Variants in DLAT observed in about 807,000 individuals in gnomAD.
DLAT encodes the protein dihydrolipoamide S-acetyltransferase.
DLAT carries 43 observed loss-of-function variants against 68.0 expected under a neutral mutation model. The observed-to-expected ratio is 0.63, with a 90% CI of 0.50 to 0.81. The LOEUF (loss-of-function observed/expected upper bound fraction) is 0.81. DLAT is among the 40% of genes least tolerant of loss of function. The pLI is 0.00. For synonymous variants in DLAT, 265 were observed against 288.6 expected (o/e 0.92, Z 0.83); for missense variants, 745 against 815.4 (o/e 0.91, Z 1.05).
At chr11:112,030,103 T>G (rs1452308784) in intron 4 of DLAT, 1 of 785,174 alleles carries the variant, frequency 1.3e-6, no homozygotes, top group Non-Finnish European at 2.2e-6. Flanking sequence ...TGGTAAATAC[T>G]GGCGACTCCA....
intron 2 of DLAT, among the ~76,000 whole-genome samples, chr11:112,027,116 G>A (rs1193255960): frequency 6.7e-6 from 1 of 149,970 alleles, no homozygotes; most frequent in Non-Finnish European, 1.5e-5. Flanking sequence ...GGTGGCTGCC[G>A]GGCGGAGGGG....
rs1212810313 is a variant in DLAT, at chr11:112,051,035, C to T, written c.1399-199C>T. Among the ~76,000 whole-genome samples, 2 of 152,008 alleles carry T rather than the reference C, an allele frequency of 1.3e-5. No homozygotes were observed. Among genetic ancestry groups the T allele is most frequent in the Non-Finnish European group, 2.9e-5 (2 of 68,030 alleles). ...AGAGAATTTAGAAACTACAGTTGTC[C>T]GGGGAGGGAAAGCATTAGGAAAAAT... On this transcript the variant is annotated intron_variant, in intron 10 of 13. Transcript: ENST00000280346. This position sits in a 1 kb window ranked among gnomAD's most constrained non-coding sequence, Gnocchi z 4.3.
intron 7 of DLAT, among the ~76,000 whole-genome samples, chr11:112,041,157 A>T (rs1555180992): frequency 6.6e-6 from 1 of 152,200 alleles, no homozygotes; most frequent in Non-Finnish European, 1.5e-5. Flanking sequence ...TATGAACCTC[A>T]GCTCTTTATA....
intron 11 of DLAT, among the ~76,000 whole-genome samples, chr11:112,057,596 G>A (rs113453391): frequency 6.6e-6 from 1 of 152,192 alleles, no homozygotes; most frequent in African/African-American, 2.4e-5. Context: ...TTAAGCCAAA[G>A]CTTAATTCAG....
chr11:112,039,500 G>T (rs1555180853), intron 7 of DLAT, 103 bp downstream of exon 7: 4 of 1,166,664 alleles, frequency 3.4e-6, no homozygotes. Flanking sequence ...CTTATAATTG[G>T]GATAGTAGGG....
At chr11:112,033,051 A>G (rs778651857) in intron 4 of DLAT, among the ~76,000 whole-genome samples, 1 of 152,160 alleles carries the variant, frequency 6.6e-6, no homozygotes, top group Non-Finnish European at 1.5e-5. Context: ...GGGACAGAGC[A>G]AGACTCTGTC....
intron 6 of DLAT, among the ~76,000 whole-genome samples, chr11:112,038,587 G>A (rs1336048650): frequency 6.6e-6 from 1 of 151,192 alleles, no homozygotes; most frequent in Non-Finnish European, 1.5e-5. Flanking sequence ...GCTCATGCCA[G>A]TAATCCCAGC....
In DLAT at chr11:112,025,496, GGCTCAGAAT is replaced by G. The variant is rs1254987889; in HGVS notation, c.26_34del (p.Ala9_Asn11del). On this transcript the variant is annotated inframe_deletion, in exon 1 of 14. Coordinates refer to ENST00000280346, the MANE Select transcript of DLAT (RefSeq NM_001931.5). ...CTATGTGGCGCGTCTGTGCGCGACGGGCTCAGAATGTAGCCCCATGGGCGGGACTCGAGG... is the reference window on the plus strand; with the variant it reads ...CTATGTGGCGCGTCTGTGCGCGACGGGTAGCCCCATGGGCGGGACTCGAGG... 10 of 1,613,618 alleles carry G rather than the reference GGCTCAGAAT, an allele frequency of 6.2e-6. No homozygotes were observed. The African/African-American group carries it at 1.2e-4, about 19-fold the overall frequency.
intron 6 of DLAT, among the ~76,000 whole-genome samples, chr11:112,038,907 G>A (rs1445310982): frequency 6.6e-6 from 1 of 151,920 alleles, no homozygotes; most frequent in Non-Finnish European, 1.5e-5. Flanking sequence ...TGTTGGTGAT[G>A]TAAAAGAATG....
Position 112,030,644 on chromosome 11 carries a change from T to G in DLAT, c.660+1699T>G, listed in dbSNP as rs142315758. Among the ~76,000 whole-genome samples, 21 of 152,372 alleles carry G rather than the reference T, an allele frequency of 1.4e-4. No individual in the cohort carries two copies. The East Asian group carries it at 3.7e-3, about 27-fold the overall frequency. On this transcript the variant is annotated intron_variant, in intron 4 of 13. Transcript: ENST00000280346. ...GGCAGTGAATGTAATCACTGTTGAT[T>G]GTGCTAACTAAATCAGTTTCTAAGA... is the stretch of plus-strand genomic sequence containing the variant.
chr11:112,048,708 A>G (rs919342564), intron 10 of DLAT, among the ~76,000 whole-genome samples: 3 of 151,636 alleles, frequency 2.0e-5, no homozygotes, highest in Middle Eastern at 6.9e-3. Flanking sequence ...TAATTTTTGT[A>G]TTTTTAGTAG....
chr11:112,056,506 G>T (rs1864092864), intron 11 of DLAT, among the ~76,000 whole-genome samples: 2 of 152,106 alleles, frequency 1.3e-5, no homozygotes, highest in South Asian at 4.2e-4. Flanking sequence ...CCATGTTGTA[G>T]CATGTATCTG....
At chr11:112,048,250 C>T (rs1311769648) in intron 10 of DLAT, among the ~76,000 whole-genome samples, 5 of 152,114 alleles carry the variant, frequency 3.3e-5, no homozygotes, top group African/African-American at 1.2e-4. Flanking sequence ...GGAATTCACT[C>T]ACAATTTGGC....
Position 112,056,781 on chromosome 11 carries a change from C to G in DLAT, c.1515-3122C>G, listed in dbSNP as rs375396441. On this transcript the variant is annotated intron_variant, in intron 11 of 13. Coordinates refer to ENST00000280346, the MANE Select transcript of DLAT (RefSeq NM_001931.5). ...TTTCAAAGTGGTTGCACCATTTTAC[C>G]TTCCCACCAATAGTGGATAAGTGTT... 9.9e-5 allele frequency among the ~76,000 whole-genome samples: 15 copies of G among 152,278 alleles called. No homozygotes were observed. In the South Asian group the frequency reaches 3.1e-3, roughly 32 times the overall value.
rs587630999 is a variant in DLAT at position 112,030,281 on chromosome 11, G to T, written c.660+1336G>T. Reference sequence around the variant, plus strand: ...TAGGCACAACGTCTGCAGAGAGCTCGATCTTTGTGCGGCCAACTTCCTGAC... The same window carrying T: ...TAGGCACAACGTCTGCAGAGAGCTCTATCTTTGTGCGGCCAACTTCCTGAC... On this transcript the variant is annotated intron_variant, in intron 4 of 13. Coordinates refer to ENST00000280346, the MANE Select transcript of DLAT (RefSeq NM_001931.5). The T allele has an allele frequency of 7.2e-6, 4 of 558,882 alleles. No individual in the cohort carries two copies. The East Asian group carries it at 1.9e-4, about 27-fold the overall frequency. The allele number at this position is 558,882 out of a possible 1,614,324, so 34.6% of individuals were successfully genotyped here.
chr11:112,025,700 G>C lies in DLAT; in HGVS notation c.228G>C (p.Gln76His). Residue 76 changes from glutamine to histidine, a missense_variant, in exon 1 of 14, where the codon CAG becomes CAC. Transcript: ENST00000280346. ...CGCCGCGGAACCGCTTACTGCTGCAGCTTTTGGGGTCGCCCGGCCGCCGCT... is the reference window on the plus strand; with the variant it reads ...CGCCGCGGAACCGCTTACTGCTGCACCTTTTGGGGTCGCCCGGCCGCCGCT... ...GATPRNRLLL[Q>H]LLGSPGRRYY... The C allele has an allele frequency of 6.2e-7, 1 of 1,613,032 alleles. No homozygotes were observed. Among genetic ancestry groups the C allele is most frequent in the Non-Finnish European group, 8.5e-7 (1 of 1,179,978 alleles).
At position 112,026,228 on chromosome 11, in the gene DLAT, C is replaced by T; in HGVS notation, c.310C>T (p.Gln104Ter). ...ATTGCCTTCTCTTTCCCCCACAATG[C>T]AGGCAGGCACCATAGCCCGTTGGGA... ...VPLPSLSPTM[Q>*]AGTIARWEKK... Residue 104 changes from glutamine to a stop codon, truncating the protein, a stop_gained, in exon 2 of 14, where the codon CAG (glutamine) becomes TAG (stop). Coordinates refer to ENST00000280346, the MANE Select transcript of DLAT (RefSeq NM_001931.5). LOFTEE classifies it high-confidence loss of function. 6.2e-7 allele frequency: 1 copy of T among 1,612,000 alleles called. No individual in the cohort carries two copies. Among genetic ancestry groups the T allele is most frequent in the African/African-American group, 1.3e-5 (1 of 74,706 alleles).
chr11:112,045,056 G>T, intron 8 of DLAT, 82 bp from the exon 9 acceptor site: 2 of 958,512 alleles, frequency 2.1e-6, no homozygotes, highest in Non-Finnish European at 3.3e-6. Context: ...AAAAAAAACT[G>T]CATAGTCACT....
chr11:112,052,704 A>G (rs1015692549), intron 11 of DLAT, among the ~76,000 whole-genome samples: 1 of 152,084 alleles, frequency 6.6e-6, no homozygotes, highest in Non-Finnish European at 1.5e-5. Context: ...AGAAAAAGGA[A>G]AGGAAGAAAA....
Sources: allele counts gnomAD v4.1 joint callset (sites outside exome capture counted in the v4.1 genomes callset), GRCh38; gene constraint gnomAD v4.1.1; non-coding constraint Gnocchi (gnomAD v3.1); transcripts MANE v1.5; gene names NCBI Gene and HGNC (gene_info 2026-07-23, HGNC 2026-07-21).